The following EPHA6 variants were observed in gnomAD, a reference collection of about 807,000 sequenced individuals.
EPHA6 encodes ephrin type-A receptor 6.
EPHA6 carries 50 observed loss-of-function variants against 112.0 expected under a neutral mutation model. That is an observed-to-expected ratio of 0.45 (90% CI 0.36 to 0.56). EPHA6 has a LOEUF of 0.56. EPHA6 is among the 20% of genes least tolerant of loss of function. The pLI is 0.00. For missense variants in EPHA6, 1,280 were observed against 1,417.4 expected, an observed-to-expected ratio of 0.90 and a Z score of 1.56; for synonymous variants, 529 against 490.7, an observed-to-expected ratio of 1.08 and a Z score of -1.03.
intron 5 of EPHA6, among the ~76,000 whole-genome samples, chr3:97,346,070 C>T (rs1169470575): frequency 6.6e-6 from 1 of 152,160 alleles, no homozygotes; most frequent in African/African-American, 2.4e-5. Flanking sequence ...GGATAACCAG[C>T]AAGGTTTCTG....
In EPHA6 at chr3:96,876,515, G is replaced by T. The variant is rs148766101; in HGVS notation, c.450+9626G>T. ...CATCCCTCATCCTGTTGCCAGAACT[G>T]ATTTTCTAAGCTGAAGATCAATTTA... On this transcript the variant is annotated intron_variant, in intron 2 of 17. Transcript: ENST00000389672. 1.1e-3 allele frequency among the ~76,000 whole-genome samples: 173 copies of T among 151,076 alleles called. 1 individual carries two copies. Among genetic ancestry groups the T allele is most frequent in the African/African-American group, 4.0e-3 (165 of 41,226 alleles).
rs116161210 is a variant in EPHA6 at position 97,157,963 on chromosome 3, T to C, written c.1115-68301T>C. Reference sequence around the variant, plus strand: ...TCAAGTTGACACAAAAAATTAATCATCACAAATCTACCCCTTGTCAACTTG... The same window carrying C: ...TCAAGTTGACACAAAAAATTAATCACCACAAATCTACCCCTTGTCAACTTG... On this transcript the variant is annotated intron_variant, in intron 3 of 17. Coordinates refer to ENST00000389672, the MANE Select transcript of EPHA6 (RefSeq NM_001080448.3). 3.1e-3 allele frequency among the ~76,000 whole-genome samples: 465 copies of C among 152,270 alleles called. 3 individuals are homozygous for C. The highest frequency in any genetic ancestry group is 5.0e-3 in the Non-Finnish European group (340 of 68,014).
chr3:97,217,421 G>A (rs72924410), intron 3 of EPHA6, among the ~76,000 whole-genome samples: 1,925 of 152,218 alleles, frequency 0.013, 45 homozygotes, highest in African/African-American at 0.043. Flanking sequence ...TAGCAAGGTA[G>A]AATTAAACCT....
intron 3 of EPHA6, among the ~76,000 whole-genome samples, chr3:97,191,318 A>G (rs1265475528): frequency 6.6e-6 from 1 of 152,022 alleles, no homozygotes; most frequent in African/African-American, 2.4e-5. Context: ...TTTTGTTACA[A>G]ATGTTCCAAT....
chr3:97,539,220 T>C (rs746248966), intron 11 of EPHA6, among the ~76,000 whole-genome samples: 4 of 151,236 alleles, frequency 2.6e-5, no homozygotes, highest in Non-Finnish European at 5.9e-5. Flanking sequence ...AGATCTGGGC[T>C]CACTGCAACC....
chr3:96,926,218 C>T (rs2107643167), intron 2 of EPHA6, among the ~76,000 whole-genome samples: 1 of 152,250 alleles, frequency 6.6e-6, no homozygotes, highest in South Asian at 2.1e-4. Flanking sequence ...AACTGTCAAA[C>T]ACTTATAAAA....
intron 16 of EPHA6, chr3:97,745,482 G>C (rs112137594): frequency 2.5e-5 from 10 of 405,726 alleles, no homozygotes; most frequent in African/African-American, 4.2e-5. Context: ...AAATGCAATA[G>C]AATTGAGTAG....
chr3:97,756,205 T>C lies in EPHA6; in HGVS notation c.*7504T>C, dbSNP rs2107934109. On this transcript the variant is annotated 3_prime_UTR_variant, in exon 18 of 18. Transcript: ENST00000389672. Reference sequence around the variant, plus strand: ...TCTTTGACTGTGCATGCTTTATTTATTACCATATTGTTTTTGTCTTCAGAA... The same window carrying C: ...TCTTTGACTGTGCATGCTTTATTTACTACCATATTGTTTTTGTCTTCAGAA... Among the ~76,000 whole-genome samples the C allele has an allele frequency of 6.6e-6, 1 of 152,108 alleles. No individual in the cohort carries two copies. Among genetic ancestry groups the C allele is most frequent in the East Asian group, 1.9e-4 (1 of 5,190 alleles).
At chr3:97,651,301 T>C (rs1048559949) in intron 14 of EPHA6, among the ~76,000 whole-genome samples, 2 of 151,810 alleles carry the variant, frequency 1.3e-5, no homozygotes, top group Admixed American at 6.6e-5. Context: ...AAATCTGCAA[T>C]AGAAAGAAGC....
chr3:97,505,296 C>T (rs184703633), intron 10 of EPHA6, among the ~76,000 whole-genome samples: 29 of 152,232 alleles, frequency 1.9e-4, no homozygotes, highest in African/African-American at 6.0e-4. Context: ...CCCATCAACC[C>T]GTCATCTACA....
At chr3:96,986,630 T>G (rs146379543) in intron 2 of EPHA6, among the ~76,000 whole-genome samples, 1 of 152,188 alleles carries the variant, frequency 6.6e-6, no homozygotes, top group South Asian at 2.1e-4. Flanking sequence ...TTGTACTTTC[T>G]ACCATATTAT....
intron 14 of EPHA6, among the ~76,000 whole-genome samples, chr3:97,640,493 C>G (rs146544255): frequency 1.3e-5 from 2 of 152,010 alleles, no homozygotes; most frequent in African/African-American, 4.8e-5. Context: ...GGGCCGGGCA[C>G]GGTGGCTCGC....
intron 3 of EPHA6, among the ~76,000 whole-genome samples, chr3:97,202,806 G>A (rs2077612506): frequency 6.6e-6 from 1 of 152,104 alleles, no homozygotes; most frequent in Admixed American, 6.6e-5. Context: ...TCATAAATAA[G>A]AATAATGTTT....
intron 1 of EPHA6, among the ~76,000 whole-genome samples, chr3:96,826,458 G>A: frequency 6.6e-6 from 1 of 151,960 alleles, no homozygotes; most frequent in East Asian, 1.9e-4. Flanking sequence ...AAAACCACCA[G>A]TTTCCTCTTT....
At chr3:97,461,190 A>C (rs527643362) in intron 7 of EPHA6, among the ~76,000 whole-genome samples, 4 of 152,146 alleles carry the variant, frequency 2.6e-5, no homozygotes, top group Middle Eastern at 3.2e-3. Flanking sequence ...AGAAGAAAGA[A>C]ATTTTTTATG....
At chr3:97,494,367 CTTTT>C (rs1362188757) in intron 10 of EPHA6, among the ~76,000 whole-genome samples, 1 of 152,146 alleles carries the variant, frequency 6.6e-6, no homozygotes, top group Non-Finnish European at 1.5e-5. Flanking sequence ...CCTGTCTCGT[CTTTT>C]CCTGATCTTG....
chr3:97,534,682 A>T (rs2092739344), intron 11 of EPHA6, among the ~76,000 whole-genome samples: 1 of 152,056 alleles, frequency 6.6e-6, no homozygotes, highest in African/African-American at 2.4e-5. Context: ...AAAGATTATG[A>T]CCTAAAAGAG....
At chr3:97,253,825 G>GCCACT (rs2079216527) in intron 5 of EPHA6, among the ~76,000 whole-genome samples, 1 of 152,004 alleles carries the variant, frequency 6.6e-6, no homozygotes, top group African/African-American at 2.4e-5. Flanking sequence ...ATAAATAGTG[G>GCCACT]ATGTTTGGCC....
intron 5 of EPHA6, among the ~76,000 whole-genome samples, chr3:97,362,627 G>A (rs1465767326): frequency 1.3e-5 from 2 of 151,928 alleles, no homozygotes; most frequent in African/African-American, 2.4e-5. Context: ...TTGTGTTAAT[G>A]TCATTTAGGT....
Sources: allele counts gnomAD v4.1 joint callset (sites outside exome capture counted in the v4.1 genomes callset), GRCh38; gene constraint gnomAD v4.1.1; transcripts MANE v1.5; gene names NCBI Gene and HGNC (gene_info 2026-07-23, HGNC 2026-07-21).